FOXK2: variants seen among roughly 807,000 people sequenced by gnomAD.
FOXK2 encodes forkhead box K2, also known as forkhead box protein K2.
Under a neutral mutation model 53.3 loss-of-function variants are expected in FOXK2, and 24 were observed. The observed-to-expected ratio is 0.45, with a 90% CI of 0.33 to 0.63. The LOEUF is 0.63. FOXK2 is among the 30% of genes least tolerant of loss of function. The pLI is 0.03. For missense variants in FOXK2, 952 were observed against 910.5 expected (o/e 1.05, Z -0.59); for synonymous variants, 505 against 407.1 (o/e 1.24, Z -2.89).
In FOXK2 at chr17:82,571,402, A is replaced by G. The variant is rs2044916044; in HGVS notation, c.763-322A>G. Among the ~76,000 whole-genome samples, 4 of 152,104 alleles carry G rather than the reference A, an allele frequency of 2.6e-5. No individual in the cohort carries two copies. In the South Asian group the frequency reaches 8.3e-4, roughly 31 times the overall value. On this transcript the variant is annotated intron_variant, in intron 3 of 8. Transcript: ENST00000335255. ...GATCACCTGAGGTCAGGAGTTTGAG[A>G]CCGGCCTGGCCAACATGGTGAAACC...
At chr17:82,554,932 A>G (rs753165501) in intron 1 of FOXK2, among the ~76,000 whole-genome samples, 1 of 151,778 alleles carries the variant, frequency 6.6e-6, no homozygotes, top group Non-Finnish European at 1.5e-5. Context: ...TGTTTTTAAT[A>G]GTGGCAGCGT....
chr17:82,583,003 A>C (rs955553462), intron 5 of FOXK2, 69 bp downstream of exon 5: 9 of 1,214,394 alleles, frequency 7.4e-6, no homozygotes, highest in African/African-American at 1.6e-5. Context: ...TATTGGGAAA[A>C]TTTCCTTTTG....
chr17:82,540,492 G>T (rs1201122049), intron 1 of FOXK2, among the ~76,000 whole-genome samples: 1 of 152,002 alleles, frequency 6.6e-6, no homozygotes, highest in Non-Finnish European at 1.5e-5. Flanking sequence ...CCTTTCCCCT[G>T]TGTAGCCATC....
chr17:82,523,543 G>T (rs530873039), intron 1 of FOXK2, among the ~76,000 whole-genome samples: 4 of 151,470 alleles, frequency 2.6e-5, no homozygotes, highest in African/African-American at 9.7e-5. Context: ...TATGATCTCG[G>T]CTCATTGCAA....
intron 4 of FOXK2, among the ~76,000 whole-genome samples, chr17:82,574,842 T>G (rs552769168): frequency 6.6e-6 from 1 of 152,316 alleles, no homozygotes; most frequent in African/African-American, 2.4e-5. Flanking sequence ...CATCTGAGGG[T>G]GAAATGAGAT....
chr17:82,597,370 C>T (rs1355708259), intron 8 of FOXK2, among the ~76,000 whole-genome samples: 4 of 152,178 alleles, frequency 2.6e-5, no homozygotes, highest in East Asian at 3.9e-4. Flanking sequence ...GGAGAGGGGT[C>T]GCCCTCTCTT....
rs1033005566 is a variant in FOXK2, at chr17:82,520,372, GAC to G, written c.419+68_419+69del. 722 of 1,198,768 alleles carry G rather than the reference GAC, an allele frequency of 6.0e-4. 3 individuals carry two copies. The African/African-American group carries it at 0.01, about 17-fold the overall frequency. 74.3% of individuals were successfully genotyped at this position (1,198,768 alleles called of 1,614,324 possible). A position where few individuals can be genotyped will look rare whatever the true frequency, so the allele number is the denominator to read the frequency against. ...TGCAGCGCCTGGCAGGACGGGACGG[GAC>G]ACGCGCCCAGGCCCGGGACCACCCA... On this transcript the variant is annotated intron_variant, in intron 1 of 8. Transcript: ENST00000335255.
chr17:82,557,977 T>G (rs1021641456), intron 1 of FOXK2, among the ~76,000 whole-genome samples: 6 of 152,194 alleles, frequency 3.9e-5, no homozygotes, highest in Admixed American at 2.6e-4. Flanking sequence ...AAATGCCCTG[T>G]GCTCCTGAGG....
chr17:82,594,455 G>C (rs924086270), intron 8 of FOXK2, among the ~76,000 whole-genome samples: 1 of 143,486 alleles, frequency 7.0e-6, no homozygotes, highest in Admixed American at 7.4e-5. Context: ...CTGAGATCGC[G>C]CCACTGCACT....
Position 82,587,186 on chromosome 17 carries a change from A to AACACCAGCT in FOXK2, c.1703_1711dup (p.His568_Leu570dup). ...ATAGTACAACAGGCACCTCTAGGTC[A>AACACCAGCT]ACACCAGCTACCAATAAAAACTGTA... is the stretch of plus-strand genomic sequence containing the variant. On this transcript the variant is annotated inframe_insertion, in exon 8 of 9. Transcript: ENST00000335255. The AACACCAGCT allele has an allele frequency of 6.2e-7, 1 of 1,613,092 alleles. No homozygotes were observed. The highest frequency in any genetic ancestry group is 1.3e-5 in the African/African-American group (1 of 75,050).
chr17:82,573,063 T>TA (rs1280305069), intron 4 of FOXK2, among the ~76,000 whole-genome samples: 1 of 152,018 alleles, frequency 6.6e-6, no homozygotes, highest in Non-Finnish European at 1.5e-5. Flanking sequence ...TGTGGTGGCT[T>TA]ACGCTTGTAG....
At chr17:82,600,989 C>A (rs998290585) in intron 8 of FOXK2, 24 of 256,248 alleles carry the variant, frequency 9.4e-5, no homozygotes, top group Admixed American at 1.4e-4. Context: ...ATCAAAATAG[C>A]CTATTTATAG....
chr17:82,578,494 T>C (rs2045017493), intron 4 of FOXK2: 1 of 152,232 alleles, frequency 6.6e-6, no homozygotes. Flanking sequence ...TTAATACATG[T>C]AGCAACAGAA....
chr17:82,579,998 A>G (rs2045039084), intron 4 of FOXK2, among the ~76,000 whole-genome samples: 1 of 115,652 alleles, frequency 8.6e-6, no homozygotes, highest in Non-Finnish European at 1.8e-5. Flanking sequence ...TCCCTCCCAC[A>G]CATGGCCTAG....
chr17:82,570,014 A>C (rs2044897194), intron 3 of FOXK2, among the ~76,000 whole-genome samples: 2 of 149,674 alleles, frequency 1.3e-5, no homozygotes, highest in South Asian at 2.1e-4. Flanking sequence ...CGAGGTCAGG[A>C]GATCGAGACC....
intron 8 of FOXK2, among the ~76,000 whole-genome samples, chr17:82,594,867 G>A (rs2045293942): frequency 6.6e-6 from 1 of 152,200 alleles, no homozygotes; most frequent in African/African-American, 2.4e-5. Flanking sequence ...ACAACATGGT[G>A]AATCTCTGTG....
rs2045199327 is a variant in FOXK2 at position 82,587,432 on chromosome 17, G to A, written c.1786+160G>A. Reference sequence around the variant, plus strand: ...GAAATCTAGTCATGCTGGGGAAGTGGTCGTGGAGTCGGCCGTCATGGGATT... The same window carrying A: ...GAAATCTAGTCATGCTGGGGAAGTGATCGTGGAGTCGGCCGTCATGGGATT... On this transcript the variant is annotated intron_variant, in intron 8 of 8. Transcript: ENST00000335255. 1.7e-5 allele frequency: 11 copies of A among 656,144 alleles called. No homozygotes were observed. In the East Asian group the frequency reaches 3.0e-4, roughly 18 times the overall value. 40.6% of individuals were successfully genotyped at this position (656,144 alleles called of 1,614,324 possible).
In FOXK2 at chr17:82,601,704, G is replaced by T. The variant is rs1351224466; in HGVS notation, c.*205G>T. On this transcript the variant is annotated 3_prime_UTR_variant, in exon 9 of 9. Coordinates refer to ENST00000335255, the MANE Select transcript of FOXK2 (RefSeq NM_004514.4). ...CCACACACAACAAAACCTGATTTGGGAGACGGTGTCTCCACTGAGCACCTG... is the reference window on the plus strand; with the variant it reads ...CCACACACAACAAAACCTGATTTGGTAGACGGTGTCTCCACTGAGCACCTG... The T allele has an allele frequency of 7.6e-6, 4 of 527,596 alleles. No homozygotes were observed. Among genetic ancestry groups the T allele is most frequent in the Non-Finnish European group, 1.3e-5 (4 of 296,736 alleles). The allele number at this position is 527,596 out of a possible 1,614,324, so 32.7% of individuals were successfully genotyped here.
intron 1 of FOXK2, among the ~76,000 whole-genome samples, chr17:82,558,157 A>C (rs1336979511): frequency 6.6e-6 from 1 of 151,918 alleles, no homozygotes; most frequent in Non-Finnish European, 1.5e-5. Flanking sequence ...ACATTGGGAG[A>C]CCTTGTCTCT....
Sources: gnomAD v4.1 joint callset for allele counts (sites outside exome capture counted in the v4.1 genomes callset) on GRCh38, gnomAD v4.1.1 for gene constraint, MANE v1.5 for transcripts, NCBI Gene and HGNC (gene_info 2026-07-23, HGNC 2026-07-21) for gene names.